The following MLIP variants were observed in gnomAD, a reference collection of about 807,000 sequenced individuals.
MLIP encodes muscular LMNA-interacting protein.
MLIP carries 79 observed loss-of-function variants against 84.8 expected under a neutral mutation model. The ratio of observed to expected loss-of-function variants is 0.93; its 90% CI spans 0.78 to 1.12. The LOEUF is 1.12. MLIP is among the 50% of genes most tolerant of loss of function. MLIP has a pLI of 0.00. For missense variants in MLIP, 1,257 were observed against 1,160.6 expected, an observed-to-expected ratio of 1.08 and a Z score of -1.21; for synonymous variants, 504 against 463.0, an observed-to-expected ratio of 1.09 and a Z score of -1.14.
At chr6:54,226,145 C>T (rs1262510590) in intron 11 of MLIP, among the ~76,000 whole-genome samples, 2 of 152,208 alleles carry the variant, frequency 1.3e-5, no homozygotes, top group African/African-American at 4.8e-5. Flanking sequence ...TAAGAAGTAG[C>T]TATCCCCAAA....
At chr6:54,102,159 A>G (rs1457183021) in intron 1 of MLIP, among the ~76,000 whole-genome samples, 1 of 152,132 alleles carries the variant, frequency 6.6e-6, no homozygotes, top group African/African-American at 2.4e-5. Flanking sequence ...TTCAAATCCC[A>G]TTGTCTCATG....
intron 3 of MLIP, among the ~76,000 whole-genome samples, chr6:54,128,160 T>G (rs1771082767): frequency 6.6e-6 from 1 of 152,154 alleles, no homozygotes; most frequent in African/African-American, 2.4e-5. Flanking sequence ...TAACAGGTCT[T>G]GGGTGGGGAT....
intron 11 of MLIP, among the ~76,000 whole-genome samples, chr6:54,221,728 T>C (rs572022884): frequency 0.01 from 1,507 of 143,970 alleles, 15 homozygotes; most frequent in Non-Finnish European, 0.017. Flanking sequence ...CAAATAAAAA[T>C]AGGCAAAAGT....
At position 54,242,367 on chromosome 6, in the gene MLIP, T is replaced by G. The variant is rs143853914; in HGVS notation, c.2922+11450T>G. Among the ~76,000 whole-genome samples, 207 of 152,360 alleles carry G rather than the reference T, an allele frequency of 1.4e-3. 1 individual carries two copies. Among genetic ancestry groups the G allele is most frequent in the African/African-American group, 4.5e-3 (186 of 41,586 alleles). On this transcript the variant is annotated intron_variant, in intron 12 of 13. Coordinates refer to ENST00000502396, the MANE Select transcript of MLIP (RefSeq NM_001281747.2). Reference sequence around the variant, plus strand: ...GTGTGTAACGTTTATATTGGTAACGTTATTGAGAGCATGTAAATTGGTATT... The same window carrying G: ...GTGTGTAACGTTTATATTGGTAACGGTATTGAGAGCATGTAAATTGGTATT...
chr6:54,248,861 C>T (rs536756214), intron 12 of MLIP, among the ~76,000 whole-genome samples: 11 of 151,962 alleles, frequency 7.2e-5, no homozygotes, highest in Admixed American at 1.3e-4. Flanking sequence ...GGTGGGCTTA[C>T]GAAACAATTA....
chr6:54,054,615 C>T (rs994350035), intron 1 of MLIP, among the ~76,000 whole-genome samples: 4 of 152,132 alleles, frequency 2.6e-5, no homozygotes, highest in African/African-American at 9.7e-5. Flanking sequence ...GTCAATATTT[C>T]ACTTGCAAGA....
chr6:54,252,600 A>C (rs2150879359), intron 12 of MLIP, among the ~76,000 whole-genome samples: 1 of 149,946 alleles, frequency 6.7e-6, no homozygotes, highest in Middle Eastern at 3.6e-3. Context: ...TATGTACATA[A>C]TCATGATAAT....
chr6:54,262,747 A>G (rs1783467616), intron 13 of MLIP, among the ~76,000 whole-genome samples: 1 of 152,040 alleles, frequency 6.6e-6, no homozygotes, highest in African/African-American at 2.4e-5. Context: ...CAAAGAGAGG[A>G]GAAAGTACTT....
chr6:54,093,929 C>T, intron 1 of MLIP, among the ~76,000 whole-genome samples: 1 of 152,144 alleles, frequency 6.6e-6, no homozygotes, highest in East Asian at 1.9e-4. Flanking sequence ...TTGCCAACTT[C>T]TGGGAATTGT....
At chr6:54,181,099 A>G (rs1750624227) in intron 9 of MLIP, among the ~76,000 whole-genome samples, 1 of 152,150 alleles carries the variant, frequency 6.6e-6, no homozygotes, top group South Asian at 2.1e-4. Context: ...CCCTGTGGCA[A>G]GTTCCCCCAG....
intron 1 of MLIP, among the ~76,000 whole-genome samples, chr6:54,044,858 C>T (rs1177237847): frequency 1.3e-5 from 2 of 152,160 alleles, no homozygotes; most frequent in African/African-American, 2.4e-5. Flanking sequence ...AGGTTTTTCT[C>T]TAGCACTGAT....
At chr6:54,186,239 C>T (rs367672275) in intron 9 of MLIP, among the ~76,000 whole-genome samples, 2 of 152,264 alleles carry the variant, frequency 1.3e-5, no homozygotes, top group African/African-American at 4.8e-5. Flanking sequence ...AAAATAAGCT[C>T]TGAAATATTT....
At chr6:54,192,010 T>C (rs1777967382) in intron 10 of MLIP, among the ~76,000 whole-genome samples, 2 of 150,774 alleles carry the variant, frequency 1.3e-5, no homozygotes, top group East Asian at 1.9e-4. Flanking sequence ...TATATATATA[T>C]AATGATTTTA....
At chr6:54,112,444 G>T (rs1392893430) in intron 1 of MLIP, among the ~76,000 whole-genome samples, 1 of 152,174 alleles carries the variant, frequency 6.6e-6, no homozygotes, top group African/African-American at 2.4e-5. Flanking sequence ...GCTAGGTAAA[G>T]GTGGTGAAAA....
intron 12 of MLIP, among the ~76,000 whole-genome samples, chr6:54,234,674 A>T (rs1417756336): frequency 6.6e-6 from 1 of 152,142 alleles, no homozygotes. Context: ...CACTCTACTG[A>T]AATTGCTCTG....
chr6:54,145,841 G>T (rs79302128), intron 4 of MLIP, among the ~76,000 whole-genome samples: 1 of 146,910 alleles, frequency 6.8e-6, no homozygotes, highest in Non-Finnish European at 1.5e-5. Flanking sequence ...GAATAAATAC[G>T]TTAGTTGAAC....
At chr6:54,123,050 G>C (rs1349373249) in intron 2 of MLIP, among the ~76,000 whole-genome samples, 4 of 151,762 alleles carry the variant, frequency 2.6e-5, no homozygotes, top group Non-Finnish European at 5.9e-5. Context: ...TCCTGCCTCA[G>C]CCTCCCGAAT....
chr6:54,074,510 C>T (rs1238941877), intron 1 of MLIP, among the ~76,000 whole-genome samples: 2 of 152,010 alleles, frequency 1.3e-5, no homozygotes, highest in Non-Finnish European at 2.9e-5. Flanking sequence ...AGATCAATAA[C>T]TTTGATATTT....
chr6:54,030,977 C>T (rs1581990257), intron 1 of MLIP, among the ~76,000 whole-genome samples: 1 of 152,102 alleles, frequency 6.6e-6, no homozygotes. Flanking sequence ...ATGTAAAGGC[C>T]TTGGTATAGT....
Sources: allele counts gnomAD v4.1 joint callset (sites outside exome capture counted in the v4.1 genomes callset), GRCh38; gene constraint gnomAD v4.1.1; transcripts MANE v1.5; gene names NCBI Gene and HGNC (gene_info 2026-07-23, HGNC 2026-07-21).